PKP1: variants seen among roughly 807,000 people sequenced by gnomAD.
The protein encoded by PKP1 is plakophilin-1.
PKP1 carries 27 observed loss-of-function variants against 76.4 expected under a neutral mutation model. That is an observed-to-expected ratio of 0.35 (90% CI 0.26 to 0.49). PKP1 has a LOEUF of 0.49. Among genes scored for constraint, PKP1 ranks in the 20% least tolerant of loss-of-function variants. PKP1 has a pLI of 0.99. For missense variants in PKP1, 964 were observed against 955.2 expected (o/e 1.01, Z -0.12); for synonymous variants, 404 against 384.2 (o/e 1.05, Z -0.60).
intron 2 of PKP1, among the ~76,000 whole-genome samples, chr1:201,299,380 G>A (rs780954917): frequency 6.6e-6 from 1 of 152,160 alleles, no homozygotes; most frequent in Non-Finnish European, 1.5e-5. Context: ...ATCAGCAGTG[G>A]GAGGCGTGGA....
intron 2 of PKP1, among the ~76,000 whole-genome samples, chr1:201,295,505 G>T (rs1656046361): frequency 6.6e-6 from 1 of 152,206 alleles, no homozygotes; most frequent in Non-Finnish European, 1.5e-5. Context: ...TGAGAAAATG[G>T]CTTAGGAATG....
chr1:201,306,938 G>T (rs1379506121), intron 2 of PKP1, among the ~76,000 whole-genome samples: 1 of 152,180 alleles, frequency 6.6e-6, no homozygotes, highest in Admixed American at 6.5e-5. Context: ...CCAAAGTGCT[G>T]GGATTACAGG....
intron 9 of PKP1, among the ~76,000 whole-genome samples, chr1:201,323,781 A>C: frequency 6.6e-6 from 1 of 152,190 alleles, no homozygotes; most frequent in East Asian, 1.9e-4. Flanking sequence ...GACCGAGGGC[A>C]GAGAACTTCC....
intron 1 of PKP1, among the ~76,000 whole-genome samples, chr1:201,289,274 G>T (rs923819800): frequency 1.7e-4 from 26 of 152,196 alleles, no homozygotes; most frequent in African/African-American, 5.8e-4. Context: ...AGCTTTTCTG[G>T]GCACCATGGG....
chr1:201,325,673 A>G, intron 11 of PKP1, 81 bp from the exon 12 acceptor site: 1 of 1,048,324 alleles, frequency 9.5e-7, no homozygotes, highest in Non-Finnish European at 1.5e-6. Context: ...AGGCCCTGGC[A>G]GTGGGGGTGG....
At chr1:201,309,085 C>T (rs1409534355) in intron 2 of PKP1, among the ~76,000 whole-genome samples, 1 of 152,096 alleles carries the variant, frequency 6.6e-6, no homozygotes, top group Non-Finnish European at 1.5e-5. Flanking sequence ...CCACTCCACA[C>T]TGAATGGCTC....
At chr1:201,299,443 C>G (rs985347508) in intron 2 of PKP1, among the ~76,000 whole-genome samples, 1 of 152,136 alleles carries the variant, frequency 6.6e-6, no homozygotes, top group African/African-American at 2.4e-5. Flanking sequence ...TGGACTTCAC[C>G]TCTCTAGACC....
At chr1:201,300,281 A>G (rs1656189820) in intron 2 of PKP1, among the ~76,000 whole-genome samples, 1 of 152,162 alleles carries the variant, frequency 6.6e-6, no homozygotes, top group South Asian at 2.1e-4. Flanking sequence ...CCACTGGGAC[A>G]CTCCCTGTAT....
intron 1 of PKP1, among the ~76,000 whole-genome samples, chr1:201,292,297 T>C (rs1655942477): frequency 6.6e-6 from 1 of 151,918 alleles, no homozygotes; most frequent in Non-Finnish European, 1.5e-5. Flanking sequence ...CTATGGGAGG[T>C]AAGAGGCCAA....
At position 201,313,392 on chromosome 1, in the gene PKP1, A is replaced by C. The variant is rs1311567348; in HGVS notation, c.533A>C (p.Lys178Thr). ...RKGTLGSKGQ[K>T]TTQNRYSFYS... ...GGCACGCTGGGCAGCAAGGGCCAGA[A>C]GACCACCCAGAACCGCTACAGCTTT... is the stretch of plus-strand genomic sequence containing the variant. Residue 178 changes from lysine to threonine, a missense_variant, in exon 3 of 14, where the codon AAG (lysine) becomes ACG (threonine). Transcript: ENST00000367324. The C allele has an allele frequency of 6.3e-7, 1 of 1,583,896 alleles. No individual in the cohort carries two copies. The highest frequency in any genetic ancestry group is 8.6e-7 in the Non-Finnish European group (1 of 1,164,796).
At chr1:201,294,689 A>G (rs995303054) in intron 2 of PKP1, among the ~76,000 whole-genome samples, 10 of 152,216 alleles carry the variant, frequency 6.6e-5, no homozygotes, top group South Asian at 4.1e-4. Flanking sequence ...AAAAGATTAC[A>G]ATAATTCTTA....
At position 201,323,206 on chromosome 1, in the gene PKP1, CT is replaced by C; in HGVS notation, c.1680+19del. 1 of 1,611,232 alleles carries C rather than the reference CT, an allele frequency of 6.2e-7. No homozygotes were observed. Among genetic ancestry groups the C allele is most frequent in the Non-Finnish European group, 8.5e-7 (1 of 1,178,030 alleles). On this transcript the variant is annotated intron_variant, in intron 9 of 13. Transcript: ENST00000367324. ...AAGGGGCTGGTGAGTGGGACTGTAC[CT>C]TCTCTACTGCAGCAGCCCCATCCTC...
At position 201,283,631 on chromosome 1, in the gene PKP1, C is replaced by G. The variant is rs1360003639; in HGVS notation, c.-72C>G. ...CGAGAAGAGCACGCTCCTGCCCGCC[C>G]GCTGCACCGCACCTCGCCTCGCCTC... On this transcript the variant is annotated 5_prime_UTR_variant, in exon 1 of 14. Coordinates refer to ENST00000367324, the MANE Select transcript of PKP1 (RefSeq NM_001005337.3). 10 of 1,353,466 alleles carry G rather than the reference C, an allele frequency of 7.4e-6. No individual in the cohort carries two copies. Among genetic ancestry groups the G allele is most frequent in the Non-Finnish European group, 9.3e-6 (9 of 963,458 alleles). The allele number at this position is 1,353,466 out of a possible 1,614,324, so 83.8% of individuals were successfully genotyped here. A position where few individuals can be genotyped will look rare whatever the true frequency, so the allele number is the denominator to read the frequency against.
At chr1:201,309,429 C>T (rs922563468) in intron 2 of PKP1, among the ~76,000 whole-genome samples, 1 of 152,198 alleles carries the variant, frequency 6.6e-6, no homozygotes, top group East Asian at 1.9e-4. Flanking sequence ...AAACATGTCT[C>T]TCAGAATGCT....
rs1656836925 is a variant in PKP1 at position 201,318,532 on chromosome 1, G to T, written c.1055-86G>T. 8 of 1,188,656 alleles carry T rather than the reference G, an allele frequency of 6.7e-6. No homozygotes were observed. The East Asian group carries it at 1.2e-4, about 17-fold the overall frequency. The allele number at this position is 1,188,656 out of a possible 1,614,324, so 73.6% of individuals were successfully genotyped here. A position where few individuals can be genotyped will look rare whatever the true frequency, so the allele number is the denominator to read the frequency against. On this transcript the variant is annotated intron_variant, in intron 5 of 13. Coordinates refer to ENST00000367324, the MANE Select transcript of PKP1 (RefSeq NM_001005337.3). ...AGCGACATTTCAGTAGGGCCCATTT[G>T]CCAGAGTCCAGGCTGGGGCTGTTAC...
intron 2 of PKP1, among the ~76,000 whole-genome samples, chr1:201,312,256 G>A (rs1241784130): frequency 2.6e-5 from 4 of 152,234 alleles, no homozygotes; most frequent in Admixed American, 1.3e-4. Context: ...GGGGAGGCAA[G>A]ATGAAGAGTT....
chr1:201,321,909 G>A, intron 7 of PKP1, 69 bp from the exon 8 acceptor site: 1 of 1,574,364 alleles, frequency 6.4e-7, no homozygotes, highest in Non-Finnish European at 8.7e-7. Context: ...ATTAGCTAGG[G>A]TAGGTGGTAG....
At chr1:201,314,640 G>A (rs1656671341) in intron 3 of PKP1, among the ~76,000 whole-genome samples, 1 of 152,238 alleles carries the variant, frequency 6.6e-6, no homozygotes, top group Non-Finnish European at 1.5e-5. Flanking sequence ...ACGCAGAGGT[G>A]TCGTGAGTGA....
Position 201,283,855 on chromosome 1 carries a change from G to A in PKP1, c.153G>A (p.Arg51=). The stretch of plus-strand genomic sequence containing the variant: ...AGCAGGTGATGATGACCGTCAAGCG[G>A]CAGAAGTCCAAGTCTTCCCAGTCGT... ...VQEQVMMTVK[R]QKSKSSQSST... is the part of the protein sequence containing the mutation. The change falls in exon 1 of 14, where the codon CGG becomes CGA. Residue 51 remains arginine, a synonymous_variant. Coordinates refer to ENST00000367324, the MANE Select transcript of PKP1 (RefSeq NM_001005337.3). 1 of 1,614,162 alleles carries A rather than the reference G, an allele frequency of 6.2e-7. No individual in the cohort carries two copies. Among genetic ancestry groups the A allele is most frequent in the Non-Finnish European group, 8.5e-7 (1 of 1,180,006 alleles).
Sources: allele counts gnomAD v4.1 joint callset (sites outside exome capture counted in the v4.1 genomes callset), GRCh38; gene constraint gnomAD v4.1.1; transcripts MANE v1.5; gene names NCBI Gene and HGNC (gene_info 2026-07-23, HGNC 2026-07-21).